Variants in UBE2E2 observed in about 807,000 individuals in gnomAD.
The protein encoded by UBE2E2 is ubiquitin conjugating enzyme E2 E2.
In UBE2E2, 6 loss-of-function variants were observed where a neutral mutation model predicts 24.7. The observed-to-expected ratio is 0.24, with a 90% CI of 0.13 to 0.48. UBE2E2 has a LOEUF of 0.48. Among genes scored for constraint, UBE2E2 ranks in the 20% least tolerant of loss-of-function variants. The pLI, the probability that UBE2E2 is intolerant of heterozygous loss-of-function variation, is 0.99. For missense variants in UBE2E2, 169 were observed against 245.0 expected, an observed-to-expected ratio of 0.69 and a Z score of 2.07; for synonymous variants, 104 against 83.6, an observed-to-expected ratio of 1.24 and a Z score of -1.33.
intron 3 of UBE2E2, among the ~76,000 whole-genome samples, chr3:23,489,447 A>C (rs560859568): frequency 2.6e-5 from 4 of 152,162 alleles, no homozygotes; most frequent in African/African-American, 7.2e-5. Context: ...TCCTGTGAGA[A>C]TCTATTGCCA....
chr3:23,430,685 A>G lies in UBE2E2; in HGVS notation c.228-68923A>G, dbSNP rs1461499640. On this transcript the variant is annotated intron_variant, in intron 3 of 5. Coordinates refer to ENST00000396703, the MANE Select transcript of UBE2E2 (RefSeq NM_152653.4). ...AGGCATGTGCCACTGCCCCTGGCTT[A>G]TTTACTTATTTCTTTTGTAGAGATG... is the stretch of plus-strand genomic sequence containing the variant. Among the ~76,000 whole-genome samples the G allele has an allele frequency of 4.0e-5, 6 of 151,834 alleles. No individual in the cohort carries two copies. In the East Asian group the frequency reaches 1.2e-3, roughly 29 times the overall value.
chr3:23,256,884 C>G (rs1332227517), intron 3 of UBE2E2, among the ~76,000 whole-genome samples: 1 of 152,194 alleles, frequency 6.6e-6, no homozygotes, highest in Non-Finnish European at 1.5e-5. Context: ...GGCCTCTGGT[C>G]TAGCTTGAGT....
intron 3 of UBE2E2, among the ~76,000 whole-genome samples, chr3:23,453,565 G>A (rs1698612622): frequency 6.6e-6 from 1 of 152,084 alleles, no homozygotes; most frequent in African/African-American, 2.4e-5. Flanking sequence ...GACTAGAACT[G>A]AGGTGCTTAC....
At chr3:23,336,369 TA>T (rs1191343012) in intron 3 of UBE2E2, among the ~76,000 whole-genome samples, 2 of 152,238 alleles carry the variant, frequency 1.3e-5, no homozygotes, top group Non-Finnish European at 1.5e-5. Context: ...GTAAAAGTCG[TA>T]ATCTTTCCCA....
intron 5 of UBE2E2, among the ~76,000 whole-genome samples, chr3:23,561,239 A>G (rs1055457673): frequency 6.6e-6 from 1 of 152,092 alleles, no homozygotes; most frequent in Non-Finnish European, 1.5e-5. Flanking sequence ...ATCTTGAATT[A>G]ATTTTTGTAT....
At chr3:23,418,011 C>T (rs1215373725) in intron 3 of UBE2E2, among the ~76,000 whole-genome samples, 9 of 152,132 alleles carry the variant, frequency 5.9e-5, no homozygotes, top group African/African-American at 2.2e-4. Flanking sequence ...GGGTGGGATC[C>T]GCTGAGCTAA....
intron 5 of UBE2E2, among the ~76,000 whole-genome samples, chr3:23,538,254 T>C (rs961595543): frequency 6.6e-6 from 1 of 152,152 alleles, no homozygotes; most frequent in Non-Finnish European, 1.5e-5. Flanking sequence ...CAGACTGTTT[T>C]CTTGTGAAAA....
In UBE2E2 at chr3:23,391,593, A is replaced by T. The variant is rs183737253; in HGVS notation, c.228-108015A>T. 4.4e-3 allele frequency among the ~76,000 whole-genome samples: 674 copies of T among 152,310 alleles called. 14 individuals carry two copies. The highest frequency in any genetic ancestry group is 0.01 in the Middle Eastern group (3 of 294). On this transcript the variant is annotated intron_variant, in intron 3 of 5. Coordinates refer to ENST00000396703, the MANE Select transcript of UBE2E2 (RefSeq NM_152653.4). Reference sequence around the variant, plus strand: ...CTCATTAAAATAAACTAAATAAATTAATAAATAAATTACATTCAGGTATTT... The same window carrying T: ...CTCATTAAAATAAACTAAATAAATTTATAAATAAATTACATTCAGGTATTT...
intron 3 of UBE2E2, among the ~76,000 whole-genome samples, chr3:23,324,155 G>A (rs951843374): frequency 1.3e-5 from 2 of 152,068 alleles, no homozygotes; most frequent in Non-Finnish European, 2.9e-5. Context: ...GATATCTTCA[G>A]TTGGTGCTTA....
chr3:23,205,925 G>A (rs1696132866), intron 1 of UBE2E2, among the ~76,000 whole-genome samples: 1 of 152,096 alleles, frequency 6.6e-6, no homozygotes, highest in Non-Finnish European at 1.5e-5. Context: ...GTATGTAAAT[G>A]CACATAAATA....
rs1216725169 is a variant in UBE2E2 at position 23,590,706 on chromosome 3, G to A, written c.*875G>A. 1 of 152,192 alleles carries A rather than the reference G, an allele frequency of 6.6e-6. No homozygotes were observed. Among genetic ancestry groups the A allele is most frequent in the Non-Finnish European group, 1.5e-5 (1 of 68,026 alleles). 9.4% of individuals were successfully genotyped at this position (152,192 alleles called of 1,614,324 possible). On this transcript the variant is annotated 3_prime_UTR_variant, in exon 6 of 6. Transcript: ENST00000396703. ...ATCTCAAACCTCTAATATTTCTTTG[G>A]AGTTGAGTTGCTTAGCATGTGGAAT...
At chr3:23,553,799 A>G (rs1410188068) in intron 5 of UBE2E2, among the ~76,000 whole-genome samples, 1 of 152,226 alleles carries the variant, frequency 6.6e-6, no homozygotes, top group East Asian at 1.9e-4. Context: ...CCCATTTATG[A>G]TAGCATTTAA....
chr3:23,290,734 T>G (rs1159247573), intron 3 of UBE2E2, among the ~76,000 whole-genome samples: 1 of 151,698 alleles, frequency 6.6e-6, no homozygotes, highest in East Asian at 1.9e-4. Flanking sequence ...ATATCAAATT[T>G]TATTATTATT....
intron 5 of UBE2E2, among the ~76,000 whole-genome samples, chr3:23,582,860 AGTGTGTGTGTGTGT>A (rs58053821): frequency 8.6e-6 from 1 of 116,748 alleles, no homozygotes; most frequent in East Asian, 2.8e-4. Flanking sequence ...TATTCTGTTG[AGTGTGTGTGTGTGT>A]GTGTGTGTGT....
intron 3 of UBE2E2, among the ~76,000 whole-genome samples, chr3:23,390,104 C>T (rs543490250): frequency 1.3e-5 from 2 of 152,154 alleles, no homozygotes; most frequent in African/African-American, 4.8e-5. Flanking sequence ...CTTCCAGGAG[C>T]CTGAACTAGT....
At chr3:23,285,689 A>G (rs913776835) in intron 3 of UBE2E2, among the ~76,000 whole-genome samples, 13 of 152,146 alleles carry the variant, frequency 8.5e-5, no homozygotes, top group African/African-American at 2.9e-4. Flanking sequence ...AGAGACATCT[A>G]TTCAGATCTT....
chr3:23,308,157 TAAG>T (rs896933246), intron 3 of UBE2E2, among the ~76,000 whole-genome samples: 1 of 152,196 alleles, frequency 6.6e-6, no homozygotes, highest in Non-Finnish European at 1.5e-5. Flanking sequence ...TAACCATGTC[TAAG>T]AAGAACAAAA....
chr3:23,357,103 G>A (rs115802214), intron 3 of UBE2E2, among the ~76,000 whole-genome samples: 102 of 152,280 alleles, frequency 6.7e-4, no homozygotes, highest in African/African-American at 2.2e-3. Context: ...AAGTATCATT[G>A]GCCAGAATAG....
chr3:23,487,353 G>GGCAGCT (rs1699395766), intron 3 of UBE2E2, among the ~76,000 whole-genome samples: 1 of 152,108 alleles, frequency 6.6e-6, no homozygotes, highest in Non-Finnish European at 1.5e-5. Context: ...ACCACTGCTG[G>GGCAGCT]GCAGCTGCAG....
Sources: gnomAD v4.1 joint callset for allele counts (sites outside exome capture counted in the v4.1 genomes callset) on GRCh38, gnomAD v4.1.1 for gene constraint, MANE v1.5 for transcripts, NCBI Gene and HGNC (gene_info 2026-07-23, HGNC 2026-07-21) for gene names.